Variants in SPAG16 observed in about 807,000 individuals in gnomAD.
SPAG16 encodes sperm-associated antigen 16 protein.
SPAG16 carries 86 observed loss-of-function variants against 80.4 expected under a neutral mutation model. That is an observed-to-expected ratio of 1.07 (90% CI 0.90 to 1.28). The LOEUF is 1.28. Among genes scored for constraint, SPAG16 ranks in the 50% most tolerant of loss-of-function variants. SPAG16 has a pLI of 0.00. For synonymous variants in SPAG16, 294 were observed against 265.9 expected, an observed-to-expected ratio of 1.11 and a Z score of -1.03; for missense variants, 870 against 765.3, an observed-to-expected ratio of 1.14 and a Z score of -1.61.
At chr2:213,685,041 T>C (rs1299915713) in intron 10 of SPAG16, among the ~76,000 whole-genome samples, 1 of 152,024 alleles carries the variant, frequency 6.6e-6, no homozygotes, top group African/African-American at 2.4e-5. Flanking sequence ...CCTGAAGAAT[T>C]TGTGAGGAGG....
In SPAG16 at chr2:213,793,072, G is replaced by A. The variant is rs893804955; in HGVS notation, c.1071-69413G>A. On this transcript the variant is annotated intron_variant, in intron 10 of 15. Transcript: ENST00000331683. ...CTCCCAAATAGCTGGGATTACAGGC[G>A]CCTGCCACCGCGCCCAGCTAATTTT... 4.6e-5 allele frequency among the ~76,000 whole-genome samples: 7 copies of A among 151,934 alleles called. No individual in the cohort carries two copies. The East Asian group carries it at 5.8e-4, about 13-fold the overall frequency.
At chr2:213,975,803 A>G (rs1159069339) in intron 12 of SPAG16, among the ~76,000 whole-genome samples, 1 of 151,964 alleles carries the variant, frequency 6.6e-6, no homozygotes, top group Non-Finnish European at 1.5e-5. Context: ...CTTTATAACT[A>G]TTTACTCCAA....
At chr2:213,328,905 AG>A (rs1166763929) in intron 5 of SPAG16, among the ~76,000 whole-genome samples, 1 of 152,158 alleles carries the variant, frequency 6.6e-6, no homozygotes, top group Non-Finnish European at 1.5e-5. Context: ...TCATGGGGGC[AG>A]GTCTTTCCAA....
chr2:213,476,100 C>T lies in SPAG16; in HGVS notation c.943-13863C>T, dbSNP rs142991651. Reference sequence around the variant, plus strand: ...ACAACATGGTTCAGGTTTACACTCCCGATAACTAAGCCAAGTATTCATTCT... The same window carrying T: ...ACAACATGGTTCAGGTTTACACTCCTGATAACTAAGCCAAGTATTCATTCT... On this transcript the variant is annotated intron_variant, in intron 9 of 15. Transcript: ENST00000331683. Among the ~76,000 whole-genome samples, 492 of 152,302 alleles carry T rather than the reference C, an allele frequency of 3.2e-3. 2 individuals carry two copies. Among genetic ancestry groups the T allele is most frequent in the Admixed American group, 0.013 (192 of 15,294 alleles).
intron 13 of SPAG16, among the ~76,000 whole-genome samples, chr2:214,090,412 G>A (rs1247691427): frequency 6.6e-6 from 1 of 151,788 alleles, no homozygotes; most frequent in Non-Finnish European, 1.5e-5. Flanking sequence ...AGACTGTGAC[G>A]ATCAGATGTA....
At chr2:213,550,391 T>C (rs944849333) in intron 10 of SPAG16, among the ~76,000 whole-genome samples, 3 of 152,120 alleles carry the variant, frequency 2.0e-5, no homozygotes, top group Non-Finnish European at 4.4e-5. Context: ...TATATTTAAA[T>C]ATTTCTCCTT....
intron 9 of SPAG16, among the ~76,000 whole-genome samples, chr2:213,460,660 G>C (rs1371485816): frequency 6.6e-6 from 1 of 152,152 alleles, no homozygotes; most frequent in African/African-American, 2.4e-5. Flanking sequence ...ATATACATGT[G>C]CATGGCTAGA....
intron 6 of SPAG16, among the ~76,000 whole-genome samples, chr2:213,349,049 CAATT>C (rs1433195205): frequency 1.3e-5 from 2 of 152,086 alleles, no homozygotes; most frequent in African/African-American, 4.8e-5. Context: ...AATTAGAAAT[CAATT>C]TTTAAAAATC....
At position 214,001,254 on chromosome 2, in the gene SPAG16, A is replaced by G. The variant is rs886393997; in HGVS notation, c.1401-12697A>G. Among the ~76,000 whole-genome samples, 3 of 152,238 alleles carry G rather than the reference A, an allele frequency of 2.0e-5. 1 individual carries two copies. In the South Asian group the frequency reaches 6.2e-4, roughly 31 times the overall value. On this transcript the variant is annotated intron_variant, in intron 12 of 15. Transcript: ENST00000331683. ...AGCTAATTTATTTCCTTTTGTGTTTAAAGTTTTTTGAAGGAAATATATGCC... is the reference window on the plus strand; with the variant it reads ...AGCTAATTTATTTCCTTTTGTGTTTGAAGTTTTTTGAAGGAAATATATGCC...
At chr2:213,687,552 T>C (rs916657031) in intron 10 of SPAG16, among the ~76,000 whole-genome samples, 2 of 152,212 alleles carry the variant, frequency 1.3e-5, no homozygotes, top group Non-Finnish European at 2.9e-5. Flanking sequence ...TGGCGTCCTA[T>C]TATTTCTTTT....
rs371782916 is a variant in SPAG16, at chr2:214,308,365, T to G, written c.1721-101775T>G. On this transcript the variant is annotated intron_variant, in intron 15 of 15. Coordinates refer to ENST00000331683, the MANE Select transcript of SPAG16 (RefSeq NM_024532.5). ...CAGCTTGCCACTCTATGTCTTTTAA[T>G]TAGGGCATTTAGTCCATTTACATTT... Among the ~76,000 whole-genome samples, 5 of 152,202 alleles carry G rather than the reference T, an allele frequency of 3.3e-5. No homozygotes were observed. The South Asian group carries it at 1.0e-3, about 31-fold the overall frequency.
chr2:213,940,457 T>C (rs1363088485), intron 12 of SPAG16, among the ~76,000 whole-genome samples: 2 of 152,082 alleles, frequency 1.3e-5, no homozygotes, highest in Non-Finnish European at 2.9e-5. Context: ...TGGATAATTA[T>C]ATATTTATTT....
chr2:213,948,512 A>G (rs778420274), intron 12 of SPAG16, among the ~76,000 whole-genome samples: 17 of 152,008 alleles, frequency 1.1e-4, no homozygotes, highest in African/African-American at 2.2e-4. Context: ...CACCTCCCCA[A>G]TTTGATGCAG....
In SPAG16 at chr2:213,317,254, G is replaced by A; in HGVS notation, c.434G>A (p.Arg145Lys). 6.2e-7 allele frequency: 1 copy of A among 1,607,358 alleles called. No individual in the cohort carries two copies. The highest frequency in any genetic ancestry group is 8.5e-7 in the Non-Finnish European group (1 of 1,176,192). The change falls in exon 5 of 16, where the codon AGA becomes AAA. Residue 145 changes from arginine to lysine, a missense_variant. By Grantham distance (26) the Arg-to-Lys change is conservative. Transcript: ENST00000331683. ...ELIQKGVTELRTVGNVPDVYT... is the reference protein window; with the variant it reads ...ELIQKGVTELKTVGNVPDVYT... The stretch of plus-strand genomic sequence containing the variant: ...ATACAGAAAGGAGTGACTGAACTTA[G>A]AACTGTTGGGAATGTTCCAGATGTC...
Position 214,137,286 on chromosome 2 carries a change from T to G in SPAG16, c.1594-11854T>G, listed in dbSNP as rs182506524. Among the ~76,000 whole-genome samples, 685 of 152,222 alleles carry G rather than the reference T, an allele frequency of 4.5e-3. 5 individuals carry two copies. The highest frequency in any genetic ancestry group is 0.016 in the African/African-American group (659 of 41,568). On this transcript the variant is annotated intron_variant, in intron 14 of 15. Coordinates refer to ENST00000331683, the MANE Select transcript of SPAG16 (RefSeq NM_024532.5). ...CTGCTATTTTCATTGAACTACATAT[T>G]TTTTCGTCATTAATAATCTTCGGCA...
intron 10 of SPAG16, among the ~76,000 whole-genome samples, chr2:213,674,864 T>A (rs1462119303): frequency 6.8e-6 from 1 of 147,260 alleles, no homozygotes; most frequent in Non-Finnish European, 1.5e-5. Flanking sequence ...TGTGTCTTTA[T>A]AGCAGCATGA....
chr2:214,216,062 T>A (rs1419446938), intron 15 of SPAG16, among the ~76,000 whole-genome samples: 1 of 152,190 alleles, frequency 6.6e-6, no homozygotes, highest in Non-Finnish European at 1.5e-5. Flanking sequence ...AATTTGAAAT[T>A]CATGCCTCAG....
rs545505379 is a variant in SPAG16 at position 213,991,041 on chromosome 2, C to T, written c.1401-22910C>T. ...TTATTATACTTTAAGTTCTGAGGTA[C>T]ATGTGCAGAACGTGCAGGTTTGCTA... On this transcript the variant is annotated intron_variant, in intron 12 of 15. Transcript: ENST00000331683. Among the ~76,000 whole-genome samples the T allele has an allele frequency of 7.0e-4, 106 of 152,056 alleles. 1 individual carries two copies. The highest frequency in any genetic ancestry group is 2.5e-3 in the African/African-American group (103 of 41,500).
chr2:213,860,509 GTATGTATC>G (rs1244489359), intron 10 of SPAG16, among the ~76,000 whole-genome samples: 1 of 113,538 alleles, frequency 8.8e-6, no homozygotes, highest in Non-Finnish European at 2.0e-5. Context: ...GTGTGTACAT[GTATGTATC>G]TATGCCAGTG....
Sources: gnomAD v4.1 joint callset for allele counts (sites outside exome capture counted in the v4.1 genomes callset) on GRCh38, gnomAD v4.1.1 for gene constraint, MANE v1.5 for transcripts, NCBI Gene and HGNC (gene_info 2026-07-23, HGNC 2026-07-21) for gene names.